SPAG17: variants seen among roughly 807,000 people sequenced by gnomAD.
SPAG17 encodes the protein sperm associated antigen 17, also known as sperm-associated antigen 17.
In SPAG17, 169 loss-of-function variants were observed where a neutral mutation model predicts 273.6. The ratio of observed to expected loss-of-function variants is 0.62; its 90% CI spans 0.55 to 0.70. SPAG17 has a LOEUF of 0.70. Among genes scored for constraint, SPAG17 ranks in the 30% least tolerant of loss-of-function variants. The pLI is 0.00. For missense variants in SPAG17, 2,557 were observed against 2,627.8 expected, an observed-to-expected ratio of 0.97 and a Z score of 0.59; for synonymous variants, 825 against 873.2, an observed-to-expected ratio of 0.94 and a Z score of 0.97.
intron 47 of SPAG17, chr1:117,964,236 CTTTT>C (rs373131863): frequency 1.3e-3 from 165 of 131,668 alleles, no homozygotes; most frequent in East Asian, 3.8e-3. Context: ...AGATTTCATG[CTTTT>C]TTTTTTTTTT....
At chr1:118,153,130 C>T (rs1346009195) in intron 1 of SPAG17, among the ~76,000 whole-genome samples, 2 of 152,188 alleles carry the variant, frequency 1.3e-5, no homozygotes, top group Non-Finnish European at 2.9e-5. Context: ...GTCCATTACC[C>T]ATCTACTTAT....
At chr1:118,108,355 T>C (rs1656538525) in intron 4 of SPAG17, among the ~76,000 whole-genome samples, 1 of 152,196 alleles carries the variant, frequency 6.6e-6, no homozygotes, top group Admixed American at 6.5e-5. Context: ...ATTTCCTTTT[T>C]CTCACATTCT....
chr1:118,038,294 G>C (rs1327618952), intron 23 of SPAG17, among the ~76,000 whole-genome samples: 1 of 152,158 alleles, frequency 6.6e-6, no homozygotes, highest in Middle Eastern at 3.2e-3. Context: ...AGGATATAGA[G>C]CAACAAGAAC....
chr1:118,076,132 G>A (rs962118429), intron 15 of SPAG17, among the ~76,000 whole-genome samples: 4 of 151,890 alleles, frequency 2.6e-5, no homozygotes, highest in African/African-American at 4.8e-5. Context: ...TATATTAAAC[G>A]TGGAAATTAA....
chr1:118,029,124 C>A (rs1018214715), intron 25 of SPAG17, among the ~76,000 whole-genome samples: 1 of 152,078 alleles, frequency 6.6e-6, no homozygotes, highest in Non-Finnish European at 1.5e-5. Flanking sequence ...ATGGTACATG[C>A]CTGTGGTCCC....
chr1:117,997,707 C>CT (rs1657813430), intron 32 of SPAG17, among the ~76,000 whole-genome samples: 1 of 152,076 alleles, frequency 6.6e-6, no homozygotes, highest in Non-Finnish European at 1.5e-5. Flanking sequence ...CTACTCAACT[C>CT]TGCCATTATT....
At position 117,975,606 on chromosome 1, in the gene SPAG17, CA is replaced by C. The variant is rs374057116; in HGVS notation, c.6005-2046del. Among the ~76,000 whole-genome samples, 29 of 152,260 alleles carry C rather than the reference CA, an allele frequency of 1.9e-4. No homozygotes were observed. The East Asian group carries it at 5.4e-3, about 28-fold the overall frequency. On this transcript the variant is annotated intron_variant, in intron 43 of 48. Transcript: ENST00000336338. ...GCTCCTTTTACTACTCCGGGTGTCC[CA>C]AGCCCATTCGTGAATCACCGTCTGC...
In SPAG17 at chr1:118,099,780, C is replaced by T. The variant is rs894134692; in HGVS notation, c.655G>A (p.Ala219Thr). 6.2e-7 allele frequency: 1 copy of T among 1,612,376 alleles called. No homozygotes were observed. The highest frequency in any genetic ancestry group is 8.5e-7 in the Non-Finnish European group (1 of 1,179,806). Residue 219 changes from alanine (A) to threonine (T), a missense_variant, in exon 6 of 49, where the codon GCC becomes ACC. By Grantham distance (58) the Ala-to-Thr change is moderately conservative. Transcript: ENST00000336338. ...CCCACAACTATAATGTAATGTTGGG[C>T]ACCATCATCTGGCTCATCGTCTGTT... Reference protein sequence around the residue: ...RYIDDEPDDGAQHYIIVVGFN... With the variant: ...RYIDDEPDDGTQHYIIVVGFN...
chr1:118,066,807 C>CA lies in SPAG17; in HGVS notation c.2477dup (p.Met826IlefsTer3). On this transcript the variant is annotated frameshift_variant, in exon 18 of 49. Transcript: ENST00000336338. LOFTEE classifies it high-confidence loss of function. ...ATTCACAATGCAAACGTTGTCTATT[C>CA]ATTGGATTGTGAAAGACTAAAAGTA... 6.2e-7 allele frequency: 1 copy of CA among 1,613,696 alleles called. No individual in the cohort carries two copies. Among genetic ancestry groups the CA allele is most frequent in the Non-Finnish European group, 8.5e-7 (1 of 1,179,756 alleles).
At chr1:118,133,301 C>T (rs1488713293) in intron 3 of SPAG17, among the ~76,000 whole-genome samples, 1 of 152,048 alleles carries the variant, frequency 6.6e-6, no homozygotes, top group Non-Finnish European at 1.5e-5. Context: ...GCCCAGAGTG[C>T]AGATGGAGAG....
chr1:118,141,905 G>A (rs1171006055), intron 3 of SPAG17, among the ~76,000 whole-genome samples: 1 of 152,166 alleles, frequency 6.6e-6, no homozygotes, highest in Admixed American at 6.5e-5. Flanking sequence ...CGGCCATGAG[G>A]ACTAGTATAA....
chr1:117,975,694 C>T lies in SPAG17; in HGVS notation c.6005-2133G>A, dbSNP rs112421449. Among the ~76,000 whole-genome samples the T allele has an allele frequency of 6.2e-3, 939 of 152,258 alleles. 7 individuals carry two copies. The highest frequency in any genetic ancestry group is 0.022 in the African/African-American group (906 of 41,532). ...CATGCCAGTAAAGCCCTATTCCTGA[C>T]CAAAACAGAATCAGAATATCTGGGA... is the stretch of plus-strand genomic sequence containing the variant. On this transcript the variant is annotated intron_variant, in intron 43 of 48. Transcript: ENST00000336338.
At chr1:118,070,303 A>G (rs908036542) in intron 17 of SPAG17, among the ~76,000 whole-genome samples, 1 of 152,218 alleles carries the variant, frequency 6.6e-6, no homozygotes, top group Non-Finnish European at 1.5e-5. Context: ...AGAAATATAG[A>G]AAGTCTCAGG....
intron 1 of SPAG17, among the ~76,000 whole-genome samples, chr1:118,162,301 GAA>G (rs1659967923): frequency 6.6e-6 from 1 of 152,168 alleles, no homozygotes; most frequent in Non-Finnish European, 1.5e-5. Context: ...TTTAGTATCA[GAA>G]AACCTGATTG....
Position 118,173,734 on chromosome 1 carries a change from T to C in SPAG17, c.87+11337A>G, listed in dbSNP as rs145572110. Among the ~76,000 whole-genome samples, 1,264 of 152,066 alleles carry C rather than the reference T, an allele frequency of 8.3e-3. 14 individuals carry two copies. Among genetic ancestry groups the C allele is most frequent in the Non-Finnish European group, 0.011 (762 of 67,956 alleles). ...AAAATTAGCTGGGTGTGGTGGCATA[T>C]ACCTGTGGTCCCAGCTACTTGAGGC... On this transcript the variant is annotated intron_variant, in intron 1 of 48. Transcript: ENST00000336338.
chr1:118,074,437 T>G, intron 16 of SPAG17, 102 bp downstream of exon 16: 1 of 982,142 alleles, frequency 1.0e-6, no homozygotes, highest in Admixed American at 1.9e-5. Context: ...AGTATTCTCC[T>G]TCTAAGTATC....
intron 18 of SPAG17, among the ~76,000 whole-genome samples, chr1:118,064,296 T>C (rs562644688): frequency 3.9e-5 from 6 of 151,968 alleles, no homozygotes; most frequent in South Asian, 2.1e-4. Flanking sequence ...CGTATGTTTA[T>C]TGCGGCACTA....
chr1:118,067,008 A>C (rs1653049178), intron 17 of SPAG17, 109 bp from the exon 18 acceptor site: 1 of 962,832 alleles, frequency 1.0e-6, no homozygotes, highest in Admixed American at 3.3e-5. Flanking sequence ...TCACCTCTAC[A>C]TTGTTAGTCA....
intron 1 of SPAG17, among the ~76,000 whole-genome samples, chr1:118,162,123 C>T (rs1371201411): frequency 6.6e-6 from 1 of 152,124 alleles, no homozygotes; most frequent in African/African-American, 2.4e-5. Flanking sequence ...AAATTTCAAG[C>T]CCTAGATCTG....
Sources: gnomAD v4.1 joint callset for allele counts (sites outside exome capture counted in the v4.1 genomes callset) on GRCh38, gnomAD v4.1.1 for gene constraint, MANE v1.5 for transcripts, NCBI Gene and HGNC (gene_info 2026-07-23, HGNC 2026-07-21) for gene names.